MECR: variants seen among roughly 807,000 people sequenced by gnomAD.
MECR encodes mitochondrial trans-2-enoyl-CoA reductase.
A neutral mutation model predicts 49.1 loss-of-function variants in MECR; 37 were observed. The ratio of observed to expected loss-of-function variants is 0.75; its 90% CI spans 0.58 to 0.99. The LOEUF (loss-of-function observed/expected upper bound fraction) is 0.99, where lower values mean the gene tolerates loss of function less well. MECR is among the 50% of genes least tolerant of loss of function. The probability of loss-of-function intolerance (pLI) is 0.00; values close to 1 mark genes in which losing one functional copy is unlikely to be tolerated. For missense variants in MECR, 470 were observed against 479.6 expected (o/e 0.98, Z 0.19); for synonymous variants, 198 against 191.1 (o/e 1.04, Z -0.30).
In MECR at chr1:29,230,712, C is replaced by T. The variant is rs2640466; in HGVS notation, c.176+19G>A. 0.85 allele frequency: 1,321,829 copies of T among 1,559,166 alleles called. 565,159 individuals are homozygous for T. Among genetic ancestry groups the T allele is most frequent in the Non-Finnish European group, 0.88 (1,013,590 of 1,151,248 alleles). On this transcript the variant is annotated intron_variant, in intron 1 of 9. Transcript: ENST00000263702. ...CAGAAACCCCAGTCCCCTTCCCCGGCTTCGGCGCCGTCTCTTACTCGACGA... is the reference window on the plus strand; with the variant it reads ...CAGAAACCCCAGTCCCCTTCCCCGGTTTCGGCGCCGTCTCTTACTCGACGA...
chr1:29,216,438 G>C, intron 2 of MECR, 150 bp downstream of exon 2: 1 of 867,662 alleles, frequency 1.2e-6, no homozygotes, highest in Non-Finnish European at 1.8e-6. Context: ...AGGGAGGCCA[G>C]ACAGGGCTGA....
chr1:29,184,368 G>C, the MECR span, among the ~76,000 whole-genome samples: 103,411 of 151,430 alleles, frequency 0.68, 36,809 homozygotes, highest in Non-Finnish European at 0.79. Flanking sequence ...ATAGAGACTG[G>C]GTTTCACCAT....
At chr1:29,180,956 T>G in the MECR span, among the ~76,000 whole-genome samples, 1 of 152,230 alleles carries the variant, frequency 6.6e-6, no homozygotes, top group East Asian at 1.9e-4. Context: ...AAGCAATTTT[T>G]CGGTAAGTTG....
At chr1:29,194,238 G>A (rs1673421909) in intron 9 of MECR, 59 bp from the exon 10 acceptor site, 11 of 1,535,292 alleles carry the variant, frequency 7.2e-6, no homozygotes, top group Non-Finnish European at 9.7e-6. Flanking sequence ...GGTGAGATGT[G>A]GCACGGGGCT....
chr1:29,202,361 C>T (rs1675525937), intron 5 of MECR, among the ~76,000 whole-genome samples: 1 of 152,198 alleles, frequency 6.6e-6, no homozygotes, highest in South Asian at 2.1e-4. Context: ...GGACAAACTC[C>T]ACTTCCCCCC....
chr1:29,216,513 C>A, intron 2 of MECR, 75 bp downstream of exon 2: 7 of 1,434,044 alleles, frequency 4.9e-6, no homozygotes, highest in Non-Finnish European at 6.9e-6. Context: ...CACACCCACA[C>A]CTGAGGAGGA....
At chr1:29,180,562 G>A in the MECR span, among the ~76,000 whole-genome samples, 20 of 152,284 alleles carry the variant, frequency 1.3e-4, no homozygotes, top group Admixed American at 1.1e-3. Context: ...GTATAACCCT[G>A]GGGAGTAAAC....
chr1:29,178,353 C>CTTTTTTTTTTTT, the MECR span, among the ~76,000 whole-genome samples: 12 of 127,906 alleles, frequency 9.4e-5, no homozygotes, highest in South Asian at 5.0e-4. Flanking sequence ...GTTTCAATTA[C>CTTTTTTTTTTTT]TTTTTTTTTT....
chr1:29,169,294 C>T, the MECR span: 5 of 152,206 alleles, frequency 3.3e-5, no homozygotes, highest in South Asian at 8.3e-4. Flanking sequence ...TCTACCACCA[C>T]GTTTTAACCG....
intron 1 of MECR, chr1:29,223,164 T>C (rs1002219323): frequency 2.0e-6 from 2 of 985,424 alleles, no homozygotes; most frequent in Non-Finnish European, 1.2e-6. Flanking sequence ...GTGAATGTAA[T>C]GGCGCCATGC....
At chr1:29,207,281 G>A (rs1676853163) in intron 3 of MECR, among the ~76,000 whole-genome samples, 1 of 151,902 alleles carries the variant, frequency 6.6e-6, no homozygotes. Flanking sequence ...TACCATACAT[G>A]GCTAATTTAT....
chr1:29,203,360 G>T, intron 4 of MECR, 127 bp from the exon 5 acceptor site: 1 of 647,078 alleles, frequency 1.5e-6, no homozygotes. Context: ...GGACCTGGCT[G>T]CTGAGTCTTC....
At chr1:29,181,690 G>A in the MECR span, 5 of 1,598,494 alleles carry the variant, frequency 3.1e-6, no homozygotes, top group Non-Finnish European at 3.4e-6. Flanking sequence ...AGCCCTTAAA[G>A]AAGCGCTCCA....
At chr1:29,182,032 C>T in the MECR span, 2 of 306,952 alleles carry the variant, frequency 6.5e-6, no homozygotes, top group East Asian at 6.1e-5. Flanking sequence ...CGACGTGCGG[C>T]GGGGCAAGGT....
the MECR span, among the ~76,000 whole-genome samples, chr1:29,182,731 AG>A: frequency 1.3e-5 from 2 of 152,170 alleles, no homozygotes; most frequent in African/African-American, 2.4e-5. Context: ...TTTAGGAGAG[AG>A]GAAGTTTCAC....
rs1261887877 is a variant in MECR at position 29,213,271 on chromosome 1, T to C, written c.406+2734A>G. Among the ~76,000 whole-genome samples, 3 of 152,270 alleles carry C rather than the reference T, an allele frequency of 2.0e-5. No individual in the cohort carries two copies. In the South Asian group the frequency reaches 6.2e-4, roughly 31 times the overall value. On this transcript the variant is annotated intron_variant, in intron 3 of 9. Coordinates refer to ENST00000263702, the MANE Select transcript of MECR (RefSeq NM_016011.5). ...ACTGGCATCAGGATCCAGTGAATCCTTGCAGCTCTCAATTTGCTCAAATGG... is the reference window on the plus strand; with the variant it reads ...ACTGGCATCAGGATCCAGTGAATCCCTGCAGCTCTCAATTTGCTCAAATGG...
the MECR span, chr1:29,181,790 C>T: frequency 6.6e-7 from 1 of 1,510,952 alleles, no homozygotes; most frequent in Non-Finnish European, 8.8e-7. Flanking sequence ...CGGCCCCAGC[C>T]CCCCTTAGGC....
In MECR at chr1:29,211,846, C is replaced by T. The variant is rs572262520; in HGVS notation, c.406+4159G>A. Among the ~76,000 whole-genome samples the T allele has an allele frequency of 5.3e-5, 8 of 152,268 alleles. No individual in the cohort carries two copies. In the South Asian group the frequency reaches 1.0e-3, roughly 20 times the overall value. ...CTGGTCTCCCCTGGGATTGGCTGCA[C>T]GTGGGAAAAGGCTGGCTATGGGCTT... On this transcript the variant is annotated intron_variant, in intron 3 of 9. Coordinates refer to ENST00000263702, the MANE Select transcript of MECR (RefSeq NM_016011.5).
intron 1 of MECR, among the ~76,000 whole-genome samples, chr1:29,228,298 C>A (rs1241201691): frequency 6.7e-6 from 1 of 150,370 alleles, no homozygotes; most frequent in Non-Finnish European, 1.5e-5. Flanking sequence ...AAAAGCACTA[C>A]AAATGGTGAC....
Sources: allele counts gnomAD v4.1 joint callset (sites outside exome capture counted in the v4.1 genomes callset), GRCh38; gene constraint gnomAD v4.1.1; transcripts MANE v1.5; gene names NCBI Gene and HGNC (gene_info 2026-07-23, HGNC 2026-07-21).